FHDC1: variants seen among roughly 807,000 people sequenced by gnomAD.
FHDC1 encodes FH2 domain containing 1.
FHDC1 carries 25 observed loss-of-function variants against 52.6 expected under a neutral mutation model. That is an observed-to-expected ratio of 0.48 (90% confidence interval 0.35 to 0.66). FHDC1 has a LOEUF of 0.66. FHDC1 is among the 30% of genes least tolerant of loss of function. FHDC1 has a pLI of 0.01. For missense variants in FHDC1, 1,459 were observed against 1,452.8 expected (o/e 1.00, Z -0.07); for synonymous variants, 616 against 581.5 (o/e 1.06, Z -0.85).
the FHDC1 span, among the ~76,000 whole-genome samples, chr4:152,914,333 C>T: frequency 3.9e-5 from 6 of 152,080 alleles, no homozygotes; most frequent in East Asian, 9.6e-4. Flanking sequence ...GTACAGGAAA[C>T]GACAAAGTTC....
chr4:152,970,484 C>T (rs944681398), intron 10 of FHDC1, among the ~76,000 whole-genome samples: 1 of 152,178 alleles, frequency 6.6e-6, no homozygotes, highest in Non-Finnish European at 1.5e-5. Context: ...ATTTTCCTTC[C>T]TGGTACTCTG....
At chr4:152,942,429 T>G (rs986724016) in intron 1 of FHDC1, among the ~76,000 whole-genome samples, 1 of 152,228 alleles carries the variant, frequency 6.6e-6, no homozygotes, top group African/African-American at 2.4e-5. Flanking sequence ...GCCATTATTA[T>G]ATCATCTCCA....
At chr4:152,968,541 C>A in intron 10 of FHDC1, among the ~76,000 whole-genome samples, 1 of 152,204 alleles carries the variant, frequency 6.6e-6, no homozygotes. Context: ...GTTGGCCAGG[C>A]TGCTCTCAAA....
chr4:152,970,928 T>C (rs1399293101), intron 10 of FHDC1, among the ~76,000 whole-genome samples: 1 of 152,212 alleles, frequency 6.6e-6, no homozygotes, highest in Non-Finnish European at 1.5e-5. Context: ...TGGGCAACTT[T>C]AGCTTTACCA....
chr4:152,975,340 C>T lies in FHDC1; in HGVS notation c.2049C>T (p.Asn683=), dbSNP rs1740823518. 5 of 1,613,694 alleles carry T rather than the reference C, an allele frequency of 3.1e-6. No individual in the cohort carries two copies. The East Asian group carries it at 1.1e-4, about 36-fold the overall frequency. The change falls in exon 12 of 12, where the codon AAC becomes AAT. Residue 683 remains asparagine, a synonymous_variant. Coordinates refer to ENST00000511601, the MANE Select transcript of FHDC1 (RefSeq NM_001371116.1). ...HELVTGLAQF[N]LQGSQGMEET... ...TGGTGACAGGGCTGGCCCAGTTCAA[C>T]CTCCAGGGTTCCCAGGGCATGGAGG...
chr4:152,916,272 T>C, the FHDC1 span, among the ~76,000 whole-genome samples: 11 of 152,300 alleles, frequency 7.2e-5, no homozygotes, highest in South Asian at 4.1e-4. Context: ...TAGGAACTTA[T>C]GTTTTTTTAG....
intron 10 of FHDC1, 46 bp from the exon 11 acceptor site, chr4:152,972,331 A>G (rs1422397386): frequency 1.9e-6 from 3 of 1,544,196 alleles, no homozygotes; most frequent in East Asian, 2.3e-5. Flanking sequence ...GCGCCGCCTC[A>G]GCTGACAACG....
At chr4:152,914,028 A>G in the FHDC1 span, among the ~76,000 whole-genome samples, 1 of 152,144 alleles carries the variant, frequency 6.6e-6, no homozygotes, top group African/African-American at 2.4e-5. Context: ...TCAAAAATCT[A>G]ATTCCCCTTT....
At chr4:152,915,158 C>CTA in the FHDC1 span, among the ~76,000 whole-genome samples, 4 of 152,146 alleles carry the variant, frequency 2.6e-5, no homozygotes, top group Admixed American at 6.5e-5. Flanking sequence ...CTTATTATGA[C>CTA]TAGACATTCA....
intron 4 of FHDC1, among the ~76,000 whole-genome samples, chr4:152,955,814 AT>A (rs1051606977): frequency 6.6e-6 from 1 of 152,196 alleles, no homozygotes; most frequent in African/African-American, 2.4e-5. Context: ...ACTTTTTAAT[AT>A]GTTATCCTTT....
chr4:152,974,389 C>G (rs975014490), intron 11 of FHDC1, among the ~76,000 whole-genome samples: 1 of 91,106 alleles, frequency 1.1e-5, no homozygotes, highest in Non-Finnish European at 3.4e-5. Flanking sequence ...GCCCAAGGAT[C>G]GGATAAAAAC....
chr4:152,937,785 G>A (rs1033584043), intron 1 of FHDC1, among the ~76,000 whole-genome samples: 2 of 152,102 alleles, frequency 1.3e-5, no homozygotes, highest in Non-Finnish European at 1.5e-5. Context: ...GGGGCTCCGC[G>A]CGGCCCGTGG....
chr4:152,935,184 T>G (rs1035510485), upstream of FHDC1, among the ~76,000 whole-genome samples: 1 of 151,568 alleles, frequency 6.6e-6, no homozygotes, highest in Non-Finnish European at 1.5e-5. Flanking sequence ...ACTAATAGTT[T>G]CTCTTTCTCG....
the FHDC1 span, among the ~76,000 whole-genome samples, chr4:152,925,713 CT>C: frequency 5.1e-3 from 734 of 142,868 alleles, no homozygotes; most frequent in Admixed American, 5.0e-3. Context: ...GTGCATCCTC[CT>C]TTTTTTTTTT....
intron 4 of FHDC1, among the ~76,000 whole-genome samples, chr4:152,955,466 T>C (rs1337687488): frequency 6.6e-6 from 1 of 152,222 alleles, no homozygotes; most frequent in Non-Finnish European, 1.5e-5. Context: ...TCTTACAAAG[T>C]TTTTTACTTT....
At chr4:152,923,514 A>T in the FHDC1 span, among the ~76,000 whole-genome samples, 4 of 152,130 alleles carry the variant, frequency 2.6e-5, no homozygotes, top group African/African-American at 9.7e-5. Context: ...ACTACTTTAA[A>T]GTTCATATGG....
At chr4:152,967,454 G>A (rs750558952) in intron 9 of FHDC1, among the ~76,000 whole-genome samples, 1 of 152,068 alleles carries the variant, frequency 6.6e-6, no homozygotes, top group Non-Finnish European at 1.5e-5. Flanking sequence ...ACATTTGTTA[G>A]CTATGTTTTA....
At chr4:152,939,807 C>G (rs1345858588) in intron 1 of FHDC1, among the ~76,000 whole-genome samples, 2 of 152,308 alleles carry the variant, frequency 1.3e-5, no homozygotes, top group African/African-American at 4.8e-5. Context: ...GCTACCTCAT[C>G]CTGTTGCTGA....
rs1740911375 is a variant in FHDC1, at chr4:152,976,876, G to C, written c.*153G>C. On this transcript the variant is annotated 3_prime_UTR_variant, in exon 12 of 12. Coordinates refer to ENST00000511601, the MANE Select transcript of FHDC1 (RefSeq NM_001371116.1). ...GCTGTTGGGATGGCACAGTCCAGGA[G>C]GCCTGTGGACTGCAGCCTGCTGTGC... The C allele has an allele frequency of 1.9e-6, 2 of 1,029,838 alleles. No individual in the cohort carries two copies. The highest frequency in any genetic ancestry group is 2.7e-6 in the Non-Finnish European group (2 of 744,966). The allele number at this position is 1,029,838 out of a possible 1,614,324, so 63.8% of individuals were successfully genotyped here.
Sources: allele counts gnomAD v4.1 joint callset (sites outside exome capture counted in the v4.1 genomes callset), GRCh38; gene constraint gnomAD v4.1.1; transcripts MANE v1.5; gene names NCBI Gene and HGNC (gene_info 2026-07-23, HGNC 2026-07-21).